Variants in SGCZ observed in about 807,000 individuals in gnomAD.
SGCZ encodes the protein sarcoglycan zeta, also known as zeta-sarcoglycan.
SGCZ carries 40 observed loss-of-function variants against 41.3 expected under a neutral mutation model. That is an observed-to-expected ratio of 0.97 (90% CI 0.75 to 1.26). The LOEUF is 1.26. Among genes scored for constraint, SGCZ ranks in the 50% most tolerant of loss-of-function variants. The pLI is 0.00. For synonymous variants in SGCZ, 206 were observed against 137.5 expected (o/e 1.50, Z -3.49); for missense variants, 552 against 369.8 (o/e 1.49, Z -4.04).
intron 1 of SGCZ, among the ~76,000 whole-genome samples, chr8:15,117,323 C>T (rs1807306470): frequency 6.6e-6 from 1 of 151,852 alleles, no homozygotes; most frequent in Non-Finnish European, 1.5e-5. Context: ...CACACCACTG[C>T]ACTCCAGCCT....
chr8:14,231,814 G>A (rs1806581381), intron 4 of SGCZ, among the ~76,000 whole-genome samples: 1 of 151,994 alleles, frequency 6.6e-6, no homozygotes, highest in Non-Finnish European at 1.5e-5. Context: ...TTTCTCATAA[G>A]ATCATATGCG....
At chr8:14,649,817 C>T (rs1807339531) in intron 1 of SGCZ, among the ~76,000 whole-genome samples, 1 of 151,984 alleles carries the variant, frequency 6.6e-6, no homozygotes, top group Admixed American at 6.6e-5. Context: ...TACTTCCACC[C>T]AAGGCAGGGC....
chr8:15,040,692 T>C (rs748555846), intron 1 of SGCZ, among the ~76,000 whole-genome samples: 4 of 152,218 alleles, frequency 2.6e-5, no homozygotes, highest in Non-Finnish European at 4.4e-5. Context: ...ACTGCTTTTA[T>C]TTGAAATACT....
At chr8:14,286,257 T>C (rs1257178773) in intron 3 of SGCZ, among the ~76,000 whole-genome samples, 1 of 152,124 alleles carries the variant, frequency 6.6e-6, no homozygotes, top group Non-Finnish European at 1.5e-5. Flanking sequence ...TCTAATCATA[T>C]TCCCATTTAA....
At chr8:14,817,258 G>A (rs1801933913) in intron 1 of SGCZ, among the ~76,000 whole-genome samples, 1 of 152,092 alleles carries the variant, frequency 6.6e-6, no homozygotes, top group Non-Finnish European at 1.5e-5. Flanking sequence ...TCACCTAACA[G>A]GATCAGCTCA....
intron 1 of SGCZ, among the ~76,000 whole-genome samples, chr8:15,073,786 TA>T (rs1021863920): frequency 7.9e-5 from 12 of 152,158 alleles, no homozygotes; most frequent in African/African-American, 2.4e-4. Flanking sequence ...GCCAATTCTT[TA>T]AAATACACCT....
intron 1 of SGCZ, among the ~76,000 whole-genome samples, chr8:15,224,611 A>G (rs920135820): frequency 6.6e-6 from 1 of 152,198 alleles, no homozygotes; most frequent in Admixed American, 6.5e-5. Flanking sequence ...AAACGTAAAT[A>G]AGCTAAATGC....
intron 4 of SGCZ, among the ~76,000 whole-genome samples, chr8:14,207,324 G>A (rs890327316): frequency 2.6e-5 from 4 of 152,128 alleles, no homozygotes; most frequent in African/African-American, 9.7e-5. Flanking sequence ...GAAGTAAATG[G>A]TCAGTTCTTT....
At chr8:14,717,917 T>A (rs1268070014) in intron 1 of SGCZ, among the ~76,000 whole-genome samples, 1 of 151,812 alleles carries the variant, frequency 6.6e-6, no homozygotes, top group Non-Finnish European at 1.5e-5. Context: ...ATCAGATTTA[T>A]TTCATCCCTC....
chr8:14,094,259 T>C (rs1801775501), intron 7 of SGCZ, among the ~76,000 whole-genome samples: 1 of 152,054 alleles, frequency 6.6e-6, no homozygotes, highest in Middle Eastern at 3.2e-3. Context: ...CATCATCTAC[T>C]TAGGTATTTG....
intron 1 of SGCZ, among the ~76,000 whole-genome samples, chr8:14,663,522 AT>A (rs1807819528): frequency 6.6e-6 from 1 of 152,096 alleles, no homozygotes; most frequent in Non-Finnish European, 1.5e-5. Context: ...CTCTCTGTGC[AT>A]GCCTCCTATC....
chr8:14,164,753 T>C (rs1447234253), intron 4 of SGCZ, 51 bp from the exon 5 acceptor site: 1 of 1,593,412 alleles, frequency 6.3e-7, no homozygotes. Context: ...AGGAAACCAT[T>C]AACATGTATT....
At chr8:14,387,997 C>A (rs1804635481) in intron 2 of SGCZ, among the ~76,000 whole-genome samples, 1 of 151,940 alleles carries the variant, frequency 6.6e-6, no homozygotes, top group Admixed American at 6.6e-5. Context: ...ATTAATCATA[C>A]ACAATATAAA....
At chr8:15,038,972 C>T (rs796571439) in intron 1 of SGCZ, among the ~76,000 whole-genome samples, 7 of 151,966 alleles carry the variant, frequency 4.6e-5, no homozygotes, top group African/African-American at 1.7e-4. Context: ...ACTAAAAGGG[C>T]AAAAGATAAA....
At chr8:14,631,004 A>G (rs1806631004) in intron 1 of SGCZ, among the ~76,000 whole-genome samples, 1 of 152,112 alleles carries the variant, frequency 6.6e-6, no homozygotes, top group Non-Finnish European at 1.5e-5. Flanking sequence ...CATGTAGCCT[A>G]GAACTTAAAG....
At chr8:14,364,805 G>A (rs1036024133) in intron 2 of SGCZ, among the ~76,000 whole-genome samples, 12 of 151,858 alleles carry the variant, frequency 7.9e-5, no homozygotes, top group African/African-American at 1.7e-4. Context: ...CTTGTCAATC[G>A]TTTATAATCT....
At chr8:14,954,258 C>G (rs561521840) in intron 1 of SGCZ, among the ~76,000 whole-genome samples, 3 of 152,190 alleles carry the variant, frequency 2.0e-5, no homozygotes, top group African/African-American at 7.2e-5. Flanking sequence ...ACTAGGTATA[C>G]ATGGTATGGA....
At chr8:14,296,598 A>T (rs1224866726) in intron 3 of SGCZ, among the ~76,000 whole-genome samples, 1 of 152,170 alleles carries the variant, frequency 6.6e-6, no homozygotes, top group Admixed American at 6.5e-5. Flanking sequence ...GTAAAACTAT[A>T]CTATTGGAAG....
At chr8:14,307,533 C>CA (rs1801387669) in intron 3 of SGCZ, among the ~76,000 whole-genome samples, 2 of 151,850 alleles carry the variant, frequency 1.3e-5, no homozygotes, top group African/African-American at 2.4e-5. Flanking sequence ...CTTTCTTCAG[C>CA]AAAAAAAGAA....
Sources: gnomAD v4.1 joint callset for allele counts (sites outside exome capture counted in the v4.1 genomes callset) on GRCh38, gnomAD v4.1.1 for gene constraint, MANE v1.5 for transcripts, NCBI Gene and HGNC (gene_info 2026-07-23, HGNC 2026-07-21) for gene names.